Variants in KCNQ3 observed in about 807,000 individuals in gnomAD.
KCNQ3 encodes potassium voltage-gated channel subfamily KQT member 3.
Under a neutral mutation model 92.5 loss-of-function variants are expected in KCNQ3, and 30 were observed. The ratio of observed to expected loss-of-function variants is 0.32; its 90% CI spans 0.24 to 0.44. The LOEUF is 0.44. Among genes scored for constraint, KCNQ3 ranks in the 20% least tolerant of loss-of-function variants. The pLI is 1.00. For synonymous variants in KCNQ3, 450 were observed against 468.8 expected (o/e 0.96, Z 0.52); for missense variants, 913 against 1,140.3 (o/e 0.80, Z 2.87).
Position 132,289,529 on chromosome 8 carries a change from C to T in KCNQ3, c.387-103348G>A, listed in dbSNP as rs559786183. Among the ~76,000 whole-genome samples the T allele has an allele frequency of 1.9e-4, 29 of 152,190 alleles. 1 individual carries two copies. Among genetic ancestry groups the T allele is most frequent in the African/African-American group, 6.5e-4 (27 of 41,532 alleles). ...CACTGTTTTCTCATTGCCTTTTTCT[C>T]TTCTATCTGTGTGTCAAATTCCTCA... is the stretch of plus-strand genomic sequence containing the variant. On this transcript the variant is annotated intron_variant, in intron 1 of 14. Transcript: ENST00000388996.
Position 132,278,358 on chromosome 8 carries a change from G to A in KCNQ3, c.387-92177C>T, listed in dbSNP as rs145182719. 2.5e-5 allele frequency: 8 copies of A among 317,182 alleles called. No individual in the cohort carries two copies. The East Asian group carries it at 1.4e-3, about 54-fold the overall frequency. The allele number at this position is 317,182 out of a possible 1,614,324, so 19.6% of individuals were successfully genotyped here. A position where few individuals can be genotyped will look rare whatever the true frequency, so the allele number is the denominator to read the frequency against. ...AGAAACAAGATTAATCCCACAATCA[G>A]CATTGTCCTCAAGGAAACATCTACC... is the stretch of plus-strand genomic sequence containing the variant. On this transcript the variant is annotated intron_variant, in intron 1 of 14. Transcript: ENST00000388996.
intron 2 of KCNQ3, 127 bp from the exon 3 acceptor site, chr8:132,184,494 A>G: frequency 2.0e-5 from 11 of 555,126 alleles, no homozygotes; most frequent in Non-Finnish European, 3.3e-5. Flanking sequence ...GTTGGCAGGG[A>G]TGGCTGGGGA....
At chr8:132,202,481 T>C (rs1208621842) in intron 1 of KCNQ3, among the ~76,000 whole-genome samples, 1 of 152,178 alleles carries the variant, frequency 6.6e-6, no homozygotes, top group East Asian at 1.9e-4. Flanking sequence ...ATTTGACTCA[T>C]TTCTTTTTTC....
intron 1 of KCNQ3, among the ~76,000 whole-genome samples, chr8:132,426,252 G>A (rs1395638788): frequency 1.3e-5 from 2 of 152,190 alleles, no homozygotes; most frequent in Non-Finnish European, 2.9e-5. Context: ...CTAACTGAAA[G>A]TTCCCCTCCC....
At chr8:132,357,122 A>G (rs1489282872) in intron 1 of KCNQ3, among the ~76,000 whole-genome samples, 1 of 152,200 alleles carries the variant, frequency 6.6e-6, no homozygotes, top group African/African-American at 2.4e-5. Context: ...CCCTTTCTAA[A>G]TGAGCCAGAG....
chr8:132,339,578 G>A (rs1298506325), intron 1 of KCNQ3, among the ~76,000 whole-genome samples: 1 of 152,154 alleles, frequency 6.6e-6, no homozygotes, highest in African/African-American at 2.4e-5. Context: ...AAAATTAGCT[G>A]GGCATGGTGG....
intron 1 of KCNQ3, among the ~76,000 whole-genome samples, chr8:132,437,378 G>A (rs572844117): frequency 6.6e-6 from 1 of 152,298 alleles, no homozygotes; most frequent in South Asian, 2.1e-4. Flanking sequence ...ACTCATGGCT[G>A]GTCTCTGTGC....
chr8:132,477,107 G>A (rs977382571), intron 1 of KCNQ3, among the ~76,000 whole-genome samples: 1 of 152,142 alleles, frequency 6.6e-6, no homozygotes, highest in Middle Eastern at 3.4e-3. Flanking sequence ...ATGATTGTAA[G>A]TTTCCTGAGA....
chr8:132,262,634 G>GTT (rs10629932), intron 1 of KCNQ3, among the ~76,000 whole-genome samples: 70,989 of 141,656 alleles, frequency 0.5, 19,030 homozygotes, highest in East Asian at 0.75. Flanking sequence ...TCTTACAGCA[G>GTT]TTTTTTTTTT....
At chr8:132,461,686 A>G (rs1587044000) in intron 1 of KCNQ3, among the ~76,000 whole-genome samples, 1 of 152,336 alleles carries the variant, frequency 6.6e-6, no homozygotes, top group East Asian at 1.9e-4. Context: ...AACATTTGAC[A>G]TTGTCCTCGC....
At chr8:132,229,122 C>T (rs1041285642) in intron 1 of KCNQ3, among the ~76,000 whole-genome samples, 1 of 152,076 alleles carries the variant, frequency 6.6e-6, no homozygotes, top group African/African-American at 2.4e-5. Context: ...GGCGTGGTGG[C>T]ACATGCTTGT....
intron 1 of KCNQ3, among the ~76,000 whole-genome samples, chr8:132,294,862 A>T (rs1487234610): frequency 6.6e-6 from 1 of 152,154 alleles, no homozygotes; most frequent in Admixed American, 6.5e-5. Context: ...TTGAAACTGG[A>T]CCCCTCCCTT....
At chr8:132,411,544 G>A (rs72721061) in intron 1 of KCNQ3, among the ~76,000 whole-genome samples, 4,968 of 152,228 alleles carry the variant, frequency 0.033, 106 homozygotes, top group Non-Finnish European at 0.052. Flanking sequence ...GTGTTGGTGA[G>A]GGAGGCTACC....
At chr8:132,139,833 TG>T (rs1351254382) in intron 11 of KCNQ3, among the ~76,000 whole-genome samples, 1 of 152,126 alleles carries the variant, frequency 6.6e-6, no homozygotes, top group Non-Finnish European at 1.5e-5. Context: ...AGGAGGGCTG[TG>T]GGGCGTGTTT....
intron 1 of KCNQ3, among the ~76,000 whole-genome samples, chr8:132,230,666 T>C (rs374669276): frequency 6.6e-6 from 1 of 152,220 alleles, no homozygotes; most frequent in Admixed American, 6.5e-5. Flanking sequence ...CTGAAATTCT[T>C]GCCCACAATA....
At chr8:132,211,845 T>C (rs1813867415) in intron 1 of KCNQ3, among the ~76,000 whole-genome samples, 3 of 147,304 alleles carry the variant, frequency 2.0e-5, no homozygotes, top group African/African-American at 7.6e-5. Flanking sequence ...CCCAGCAACT[T>C]GGGAGGCTGA....
intron 1 of KCNQ3, among the ~76,000 whole-genome samples, chr8:132,334,862 T>G (rs1818322289): frequency 6.6e-6 from 1 of 152,152 alleles, no homozygotes; most frequent in Admixed American, 6.5e-5. Flanking sequence ...CCCCATCCTT[T>G]CTGGCTTGGG....
intron 1 of KCNQ3, among the ~76,000 whole-genome samples, chr8:132,468,948 C>T (rs774757217): frequency 5.9e-5 from 9 of 152,300 alleles, no homozygotes; most frequent in South Asian, 2.1e-4. Context: ...CTAGAGAAAA[C>T]GCTTCAAACA....
intron 1 of KCNQ3, among the ~76,000 whole-genome samples, chr8:132,406,253 G>A (rs544311504): frequency 9.8e-4 from 149 of 152,256 alleles, no homozygotes; most frequent in African/African-American, 3.4e-3. Flanking sequence ...TTCTTTGCTG[G>A]ATCAAGCGGG....
Sources: gnomAD v4.1 joint callset for allele counts (sites outside exome capture counted in the v4.1 genomes callset) on GRCh38, gnomAD v4.1.1 for gene constraint, MANE v1.5 for transcripts, NCBI Gene and HGNC (gene_info 2026-07-23, HGNC 2026-07-21) for gene names.